NLGN1: variants seen among roughly 807,000 people sequenced by gnomAD.
The protein encoded by NLGN1 is neuroligin 1.
NLGN1 carries 12 observed loss-of-function variants against 65.5 expected under a neutral mutation model. That is an observed-to-expected ratio of 0.18 (90% CI 0.12 to 0.30). NLGN1 has a LOEUF of 0.30. Among genes scored for constraint, NLGN1 ranks in the 10% least tolerant of loss-of-function variants. NLGN1 has a pLI of 1.00. For synonymous variants in NLGN1, 350 were observed against 359.5 expected (o/e 0.97, Z 0.30); for missense variants, 750 against 1,007.1 (o/e 0.74, Z 3.46).
chr3:173,922,080 G>C (rs1466214877), intron 4 of NLGN1, among the ~76,000 whole-genome samples: 5 of 151,990 alleles, frequency 3.3e-5, no homozygotes, highest in African/African-American at 1.2e-4. Context: ...ACTTTAATCA[G>C]TTTCTAAATA....
At chr3:174,172,842 A>G (rs780740764) in intron 4 of NLGN1, among the ~76,000 whole-genome samples, 1 of 151,986 alleles carries the variant, frequency 6.6e-6, no homozygotes, top group African/African-American at 2.4e-5. Flanking sequence ...TGTTTTTTCT[A>G]TTTCTGTGAA....
the NLGN1 span, among the ~76,000 whole-genome samples, chr3:174,293,711 C>T: frequency 6.6e-6 from 1 of 151,452 alleles, no homozygotes; most frequent in African/African-American, 2.4e-5. Context: ...AATAAAAAAC[C>T]AGGATTGCTG....
At chr3:173,672,207 G>A (rs1762543045) in intron 3 of NLGN1, among the ~76,000 whole-genome samples, 2 of 152,180 alleles carry the variant, frequency 1.3e-5, no homozygotes, top group Admixed American at 1.3e-4. Flanking sequence ...ATAAAATAAA[G>A]AAAGGAATAG....
intron 4 of NLGN1, among the ~76,000 whole-genome samples, chr3:174,104,382 G>A (rs2152588017): frequency 6.6e-6 from 1 of 152,194 alleles, no homozygotes; most frequent in East Asian, 1.9e-4. Flanking sequence ...ATTCAGATGT[G>A]TGCAGTAATT....
chr3:173,563,537 C>T lies in NLGN1; in HGVS notation c.-320-40742C>T, dbSNP rs369725501. On this transcript the variant is annotated intron_variant, in intron 2 of 6. Coordinates refer to ENST00000457714, the Ensembl canonical transcript of NLGN1. Reference sequence around the variant, plus strand: ...CAACAACTTTATCTAATTGCAGACCCGCCAGCATTACCAGGACTCCTGATT... The same window carrying T: ...CAACAACTTTATCTAATTGCAGACCTGCCAGCATTACCAGGACTCCTGATT... Among the ~76,000 whole-genome samples, 12 of 152,254 alleles carry T rather than the reference C, an allele frequency of 7.9e-5. No homozygotes were observed. In the South Asian group the frequency reaches 1.2e-3, roughly 16 times the overall value.
chr3:174,001,090 G>T (rs1338729488), intron 4 of NLGN1, among the ~76,000 whole-genome samples: 1 of 152,182 alleles, frequency 6.6e-6, no homozygotes, highest in South Asian at 2.1e-4. Flanking sequence ...TACAGAGAAT[G>T]CATCAGCAAA....
chr3:174,194,354 G>A (rs1732965112), intron 4 of NLGN1, among the ~76,000 whole-genome samples: 1 of 151,726 alleles, frequency 6.6e-6, no homozygotes, highest in African/African-American at 2.4e-5. Flanking sequence ...GAAGGCTGAG[G>A]CAGGATAATC....
At chr3:173,842,204 G>C (rs756091685) in intron 4 of NLGN1, among the ~76,000 whole-genome samples, 16 of 152,176 alleles carry the variant, frequency 1.1e-4, no homozygotes, top group Non-Finnish European at 2.2e-4. Context: ...GTGCAGAAAA[G>C]ACGAGCCCAC....
intron 4 of NLGN1, among the ~76,000 whole-genome samples, chr3:174,035,419 A>C (rs940864661): frequency 7.8e-4 from 119 of 152,322 alleles, no homozygotes; most frequent in African/African-American, 2.6e-3. Flanking sequence ...AAGGCTTATC[A>C]GTAGAACCTT....
chr3:173,821,042 T>C (rs1720185266), intron 4 of NLGN1, among the ~76,000 whole-genome samples: 1 of 152,186 alleles, frequency 6.6e-6, no homozygotes, highest in African/African-American at 2.4e-5. Context: ...TCACACCCAC[T>C]CATCTTTTAT....
intron 3 of NLGN1, among the ~76,000 whole-genome samples, chr3:173,650,178 A>C (rs934833733): frequency 5.9e-5 from 9 of 152,056 alleles, no homozygotes; most frequent in Non-Finnish European, 1.3e-4. Context: ...AACACAGACC[A>C]TGAATATCCA....
At chr3:173,796,534 T>A (rs1270170100) in intron 3 of NLGN1, among the ~76,000 whole-genome samples, 1 of 152,098 alleles carries the variant, frequency 6.6e-6, no homozygotes, top group Non-Finnish European at 1.5e-5. Context: ...CCATAGGAGA[T>A]ATAAAGTATA....
At chr3:173,532,604 C>G (rs1231042609) in intron 2 of NLGN1, among the ~76,000 whole-genome samples, 1 of 152,160 alleles carries the variant, frequency 6.6e-6, no homozygotes, top group African/African-American at 2.4e-5. Flanking sequence ...TCATAATAAG[C>G]AAAGTCCGAT....
At chr3:173,812,741 CTA>C (rs1235617802) in intron 4 of NLGN1, among the ~76,000 whole-genome samples, 1 of 138,748 alleles carries the variant, frequency 7.2e-6, no homozygotes, top group Non-Finnish European at 1.6e-5. Context: ...CACACACATA[CTA>C]TATATGTGTG....
intron 2 of NLGN1, among the ~76,000 whole-genome samples, chr3:173,508,747 C>T (rs1732442810): frequency 6.6e-6 from 1 of 152,128 alleles, no homozygotes; most frequent in African/African-American, 2.4e-5. Context: ...CACAGCTCTT[C>T]AGTTTGCTCC....
intron 1 of NLGN1, among the ~76,000 whole-genome samples, chr3:173,423,041 A>G (rs1715405341): frequency 6.6e-6 from 1 of 152,132 alleles, no homozygotes; most frequent in African/African-American, 2.4e-5. Flanking sequence ...ACTTACAATC[A>G]TGGTAGAGGG....
chr3:173,880,490 T>A (rs975506681), intron 4 of NLGN1, among the ~76,000 whole-genome samples: 1 of 148,598 alleles, frequency 6.7e-6, no homozygotes, highest in African/African-American at 2.5e-5. Context: ...TTCACACAAA[T>A]TTTTTTTTTA....
At chr3:173,622,007 C>T (rs746615514) in intron 3 of NLGN1, among the ~76,000 whole-genome samples, 22 of 151,884 alleles carry the variant, frequency 1.4e-4, no homozygotes, top group Non-Finnish European at 2.6e-4. Context: ...CTGAAAAATC[C>T]TCCTTTCATT....
At chr3:174,035,684 A>G (rs291940) in intron 4 of NLGN1, among the ~76,000 whole-genome samples, 145,946 of 152,284 alleles carry the variant, frequency 0.96, 69,993 homozygotes, top group East Asian at 1. Context: ...ACCTCGTCCT[A>G]CAGAGCAGAG....
Sources: gnomAD v4.1 joint callset for allele counts (sites outside exome capture counted in the v4.1 genomes callset) on GRCh38, gnomAD v4.1.1 for gene constraint, MANE v1.5 for transcripts, NCBI Gene and HGNC (gene_info 2026-07-23, HGNC 2026-07-21) for gene names.